Variants in TAF1 observed in about 807,000 individuals in gnomAD.
TAF1 encodes the protein TATA-box binding protein associated factor 1.
A neutral mutation model predicts 138.5 loss-of-function variants in TAF1; 2 were observed. That is an observed-to-expected ratio of 0.01 (90% CI 0.01 to 0.05). The LOEUF is 0.05. TAF1 is among the 10% of genes least tolerant of loss of function. The probability of loss-of-function intolerance (pLI) is 1.00; values close to 1 mark genes in which losing one functional copy is unlikely to be tolerated. For synonymous variants in TAF1, 437 were observed against 503.2 expected, an observed-to-expected ratio of 0.87 and a Z score of 1.76; for missense variants, 709 against 1,478.0, an observed-to-expected ratio of 0.48 and a Z score of 8.53.
chrX:71,481,757 C>T (rs1248445992), intron 13 of TAF1, among the ~76,000 whole-genome samples: 1 of 111,035 alleles, frequency 9.0e-6, no homozygotes, highest in Non-Finnish European at 1.9e-5. Flanking sequence ...CGGGGTCTCA[C>T]CGTGTTAGCC....
intron 32 of TAF1, among the ~76,000 whole-genome samples, chrX:71,452,422 G>A (rs946442131): frequency 2.7e-5 from 3 of 111,401 alleles, no homozygotes; most frequent in Admixed American, 9.4e-5. Flanking sequence ...CATCCCAGAC[G>A]GGGTGGCGGG....
chrX:71,431,088 C>T (rs1185462881), intron 32 of TAF1, among the ~76,000 whole-genome samples: 1 of 100,877 alleles, frequency 9.9e-6, no homozygotes, highest in Non-Finnish European at 2.0e-5. Flanking sequence ...GATCTCAGCC[C>T]ATGGCAACCT....
At chrX:71,462,176 T>A (rs1443592927) in intron 37 of TAF1, among the ~76,000 whole-genome samples, 1 of 112,028 alleles carries the variant, frequency 8.9e-6, no homozygotes, top group Non-Finnish European at 1.9e-5. Context: ...GAGAATAGTA[T>A]GACCAGATTT....
At chrX:71,422,152 A>G (rs2036377249) in intron 29 of TAF1, among the ~76,000 whole-genome samples, 1 of 111,854 alleles carries the variant, frequency 8.9e-6, no homozygotes, top group Non-Finnish European at 1.9e-5. Flanking sequence ...TTTTACAGCA[A>G]AAACAGAGAG....
At chrX:71,410,871 C>G (rs936957776) in intron 28 of TAF1, among the ~76,000 whole-genome samples, 14 of 111,683 alleles carry the variant, frequency 1.3e-4, no homozygotes, top group African/African-American at 4.6e-4. Flanking sequence ...CAATCTCTGT[C>G]TCCTGTGTTC....
At chrX:71,475,937 G>A (rs1356951483) in intron 13 of TAF1, among the ~76,000 whole-genome samples, 1 of 110,517 alleles carries the variant, frequency 9.0e-6, no homozygotes. Flanking sequence ...GAAAGAATGT[G>A]GCACCTCCCC....
chrX:71,525,895 G>A (rs986459307), intron 13 of TAF1, among the ~76,000 whole-genome samples: 3 of 107,261 alleles, frequency 2.8e-5, no homozygotes, highest in African/African-American at 6.8e-5. Context: ...AAACTCCTAG[G>A]CTCAAGCGAT....
intron 13 of TAF1, among the ~76,000 whole-genome samples, chrX:71,520,112 C>A (rs976810009): frequency 9.9e-6 from 1 of 101,291 alleles, no homozygotes; most frequent in African/African-American, 3.7e-5. Context: ...CCGCCCCTGG[C>A]CTGAAGGCAT....
intron 13 of TAF1, 151 bp downstream of exon 13, chrX:71,384,286 GT>G: frequency 1.6e-6 from 1 of 617,429 alleles, no homozygotes; most frequent in Non-Finnish European, 2.4e-6. Flanking sequence ...CGTAGCTGTA[GT>G]TAGAGATCTA....
intron 13 of TAF1, among the ~76,000 whole-genome samples, chrX:71,485,220 C>T (rs755339650): frequency 8.9e-6 from 1 of 112,346 alleles, no homozygotes; most frequent in Non-Finnish European, 1.9e-5. Context: ...TGTAAATTCA[C>T]AGACAAATGT....
intron 15 of TAF1, among the ~76,000 whole-genome samples, chrX:71,387,793 C>T (rs2034320457): frequency 9.0e-6 from 1 of 111,675 alleles, no homozygotes; most frequent in Middle Eastern, 4.6e-3. Context: ...ATTAGCCAGG[C>T]GTGGTGGCAC....
At chrX:71,453,026 G>A (rs950911938) in intron 32 of TAF1, among the ~76,000 whole-genome samples, 15 of 111,073 alleles carry the variant, frequency 1.4e-4, no homozygotes, top group African/African-American at 2.9e-4. Context: ...GTCCAGCTTC[G>A]GCTCGGCATC....
chrX:71,519,050 C>T (rs1184502446), intron 13 of TAF1, among the ~76,000 whole-genome samples: 19 of 108,269 alleles, frequency 1.8e-4, no homozygotes, highest in Admixed American at 4.0e-4. Context: ...TGGCCGGGCG[C>T]GGTGGCTCAT....
At chrX:71,383,355 C>T (rs1196151378) in intron 12 of TAF1, among the ~76,000 whole-genome samples, 191 bp downstream of exon 12, 1 of 111,851 alleles carries the variant, frequency 8.9e-6, no homozygotes, top group Non-Finnish European at 1.9e-5. Context: ...GGTGAGGTGT[C>T]AGAATGACTG....
intron 28 of TAF1, among the ~76,000 whole-genome samples, chrX:71,412,054 C>T (rs760192048): frequency 3.6e-5 from 4 of 110,747 alleles, no homozygotes; most frequent in South Asian, 3.8e-4. Context: ...CCACCACGCC[C>T]GGCTGGCTAA....
At chrX:71,442,997 C>G (rs760364171) in intron 32 of TAF1, among the ~76,000 whole-genome samples, 5 of 111,395 alleles carry the variant, frequency 4.5e-5, no homozygotes, top group South Asian at 3.8e-4. Context: ...ATTTCTGAGG[C>G]CTCTGTTCTG....
intron 34 of TAF1, among the ~76,000 whole-genome samples, chrX:71,455,321 C>G (rs1028779157): frequency 9.0e-6 from 1 of 111,479 alleles, no homozygotes; most frequent in African/African-American, 3.3e-5. Flanking sequence ...GGATTGACTC[C>G]TAGTAAATGA....
intron 13 of TAF1, among the ~76,000 whole-genome samples, chrX:71,510,060 G>A (rs1602089362): frequency 9.0e-6 from 1 of 111,144 alleles, no homozygotes; most frequent in African/African-American, 3.3e-5. Context: ...TACTCAGGAG[G>A]CTGAGGCAGG....
At chrX:71,408,323 CT>C (rs1212981807) in intron 28 of TAF1, among the ~76,000 whole-genome samples, 172 bp downstream of exon 28, 4 of 109,006 alleles carry the variant, frequency 3.7e-5, no homozygotes, top group Non-Finnish European at 7.7e-5. Flanking sequence ...AATATCACTT[CT>C]TTTTTTTTAA....
Sources: gnomAD v4.1 joint callset for allele counts (sites outside exome capture counted in the v4.1 genomes callset) on GRCh38, gnomAD v4.1.1 for gene constraint, MANE v1.5 for transcripts, NCBI Gene and HGNC (gene_info 2026-07-23, HGNC 2026-07-21) for gene names.